The following TAFA2 variants were observed in gnomAD, a reference collection of about 807,000 sequenced individuals.
TAFA2 encodes TAFA chemokine like family member 2.
TAFA2 carries 7 observed loss-of-function variants against 18.8 expected under a neutral mutation model. The ratio of observed to expected loss-of-function variants is 0.37; its 90% CI spans 0.21 to 0.70. The LOEUF (loss-of-function observed/expected upper bound fraction) is 0.70. TAFA2 is among the 30% of genes least tolerant of loss of function. The pLI, the probability that TAFA2 is intolerant of heterozygous loss-of-function variation, is 0.53. For missense variants in TAFA2, 122 were observed against 158.1 expected (o/e 0.77, Z 1.23); for synonymous variants, 60 against 54.2 (o/e 1.11, Z -0.47).
In TAFA2 at chr12:62,132,299, GA is replaced by G. The variant is rs3031069; in HGVS notation, c.-2+58959del. The stretch of plus-strand genomic sequence containing the variant: ...TATTAAGAAAGGCCCACAGTTAGCA[GA>G]AAAAAAAAAAAATGAGTTTCCAGGA... On this transcript the variant is annotated intron_variant, in intron 1 of 4. Transcript: ENST00000416284. 6.4e-3 allele frequency among the ~76,000 whole-genome samples: 941 copies of G among 147,490 alleles called. 9 individuals carry two copies. Among genetic ancestry groups the G allele is most frequent in the African/African-American group, 0.02 (786 of 40,288 alleles).
chr12:62,105,253 C>T (rs1003010852), intron 1 of TAFA2, among the ~76,000 whole-genome samples: 15 of 152,154 alleles, frequency 9.9e-5, no homozygotes, highest in Non-Finnish European at 2.2e-4. Context: ...ACCATTAAAT[C>T]AGCACAAATT....
chr12:61,889,673 T>A (rs947169997), intron 1 of TAFA2, among the ~76,000 whole-genome samples: 1 of 152,214 alleles, frequency 6.6e-6, no homozygotes, highest in Non-Finnish European at 1.5e-5. Flanking sequence ...TTTTAATAGT[T>A]TACAGCTAAA....
intron 1 of TAFA2, among the ~76,000 whole-genome samples, chr12:62,244,997 A>G (rs1049938185): frequency 2.6e-4 from 40 of 152,066 alleles, no homozygotes; most frequent in African/African-American, 9.4e-4. Flanking sequence ...GATATCTTAC[A>G]TTGTACAGAA....
At chr12:61,720,467 C>T (rs1384648435) in intron 4 of TAFA2, among the ~76,000 whole-genome samples, 1 of 152,042 alleles carries the variant, frequency 6.6e-6, no homozygotes, top group Non-Finnish European at 1.5e-5. Context: ...ATTCAGTGTA[C>T]GGGCCTCACA....
At chr12:62,075,971 A>T (rs1868247260) in intron 1 of TAFA2, among the ~76,000 whole-genome samples, 1 of 152,198 alleles carries the variant, frequency 6.6e-6, no homozygotes. Context: ...ACTGAACTTC[A>T]GAGTGGTTAA....
At position 61,810,734 on chromosome 12, in the gene TAFA2, G is replaced by T. The variant is rs967075802; in HGVS notation, c.107-55710C>A. Among the ~76,000 whole-genome samples, 10 of 151,042 alleles carry T rather than the reference G, an allele frequency of 6.6e-5. 1 individual carries two copies. The highest frequency in any genetic ancestry group is 2.5e-4 in the African/African-American group (10 of 40,464). On this transcript the variant is annotated intron_variant, in intron 2 of 4. Transcript: ENST00000416284. ...AGTAGAATAAAGGTAAAAGTGAAGTGTTGCACTTCCAGGCTTGGGTCATAA... is the reference window on the plus strand; with the variant it reads ...AGTAGAATAAAGGTAAAAGTGAAGTTTTGCACTTCCAGGCTTGGGTCATAA...
intron 1 of TAFA2, among the ~76,000 whole-genome samples, chr12:61,941,757 C>A (rs1022268866): frequency 6.6e-6 from 1 of 152,194 alleles, no homozygotes; most frequent in Non-Finnish European, 1.5e-5. Context: ...GCTTAAAAAA[C>A]GGCACACCAC....
At chr12:62,161,455 T>A (rs1054102762) in intron 1 of TAFA2, among the ~76,000 whole-genome samples, 2 of 152,120 alleles carry the variant, frequency 1.3e-5, no homozygotes, top group African/African-American at 4.8e-5. Flanking sequence ...CCAGACAAAG[T>A]CAAATATCAC....
chr12:62,234,879 C>A (rs942537776), intron 1 of TAFA2: 1 of 1,029,838 alleles, frequency 9.7e-7, no homozygotes, highest in South Asian at 1.3e-5. Context: ...CAGCTCGGGG[C>A]ATCCCACGAT....
At chr12:62,122,541 T>C (rs938756017) in intron 1 of TAFA2, among the ~76,000 whole-genome samples, 3 of 152,170 alleles carry the variant, frequency 2.0e-5, no homozygotes, top group African/African-American at 7.2e-5. Context: ...TGTGGTTTTA[T>C]AAATGAGGGG....
At chr12:62,254,400 CT>C (rs1332344329) in intron 1 of TAFA2, among the ~76,000 whole-genome samples, 1 of 152,074 alleles carries the variant, frequency 6.6e-6, no homozygotes, top group African/African-American at 2.4e-5. Flanking sequence ...AAATATAGGT[CT>C]TTTTGACTCT....
intron 1 of TAFA2, among the ~76,000 whole-genome samples, chr12:62,090,065 A>G (rs1156866662): frequency 6.6e-6 from 1 of 152,088 alleles, no homozygotes; most frequent in Non-Finnish European, 1.5e-5. Flanking sequence ...AGCCACACAT[A>G]GCTACCTCCA....
intron 2 of TAFA2, among the ~76,000 whole-genome samples, chr12:61,840,162 G>T (rs1385017590): frequency 6.6e-6 from 1 of 152,060 alleles, no homozygotes; most frequent in East Asian, 1.9e-4. Context: ...AGTGCTTCAG[G>T]AGTCAAGTTA....
chr12:61,802,516 T>TA (rs991483504), intron 2 of TAFA2, among the ~76,000 whole-genome samples: 58 of 152,028 alleles, frequency 3.8e-4, no homozygotes, highest in African/African-American at 1.3e-3. Flanking sequence ...GAAGGATAAA[T>TA]ACTGCATGTT....
intron 4 of TAFA2, among the ~76,000 whole-genome samples, chr12:61,748,221 A>G (rs1316126289): frequency 6.6e-6 from 1 of 152,166 alleles, no homozygotes; most frequent in Non-Finnish European, 1.5e-5. Flanking sequence ...AATGTAGCAT[A>G]CATGAGTGTG....
intron 2 of TAFA2, among the ~76,000 whole-genome samples, chr12:61,796,403 G>A (rs571257420): frequency 4.6e-4 from 70 of 152,114 alleles, no homozygotes; most frequent in South Asian, 1.2e-3. Flanking sequence ...ATTATTCTAA[G>A]TGAAAGAGGA....
chr12:61,751,135 C>A (rs563663032), intron 4 of TAFA2, among the ~76,000 whole-genome samples: 1 of 152,208 alleles, frequency 6.6e-6, no homozygotes, highest in Admixed American at 6.6e-5. Flanking sequence ...CCACTGTGGG[C>A]AAAGTAACAC....
chr12:62,190,985 C>T (rs544315701), intron 1 of TAFA2, among the ~76,000 whole-genome samples: 1 of 152,176 alleles, frequency 6.6e-6, no homozygotes, highest in East Asian at 1.9e-4. Flanking sequence ...AGAGGGAGGG[C>T]ACCGCTCACG....
At chr12:62,083,146 G>A (rs553197311) in intron 1 of TAFA2, among the ~76,000 whole-genome samples, 20 of 151,732 alleles carry the variant, frequency 1.3e-4, no homozygotes, top group African/African-American at 2.7e-4. Flanking sequence ...TCCAGGCACC[G>A]GGGATTGAAA....
Sources: allele counts gnomAD v4.1 joint callset (sites outside exome capture counted in the v4.1 genomes callset), GRCh38; gene constraint gnomAD v4.1.1; transcripts MANE v1.5; gene names NCBI Gene and HGNC (gene_info 2026-07-23, HGNC 2026-07-21).